CNTNAP2: variants seen among roughly 807,000 people sequenced by gnomAD.
CNTNAP2 encodes contactin associated protein 2, also known as contactin-associated protein-like 2.
CNTNAP2 carries 98 observed loss-of-function variants against 155.2 expected under a neutral mutation model. The ratio of observed to expected loss-of-function variants is 0.63; its 90% CI spans 0.54 to 0.75. The LOEUF is 0.75. Among genes scored for constraint, CNTNAP2 ranks in the 30% least tolerant of loss-of-function variants. The pLI is 0.00. For missense variants in CNTNAP2, 1,727 were observed against 1,688.1 expected (o/e 1.02, Z -0.40); for synonymous variants, 651 against 631.2 (o/e 1.03, Z -0.47).
At chr7:146,906,110 G>A (rs868198780) in intron 3 of CNTNAP2, among the ~76,000 whole-genome samples, 6 of 152,210 alleles carry the variant, frequency 3.9e-5, no homozygotes, top group East Asian at 3.9e-4. Context: ...AAAAAACGGC[G>A]CACCACGGGA....
intron 4 of CNTNAP2, among the ~76,000 whole-genome samples, chr7:147,066,688 T>C (rs1024533533): frequency 3.3e-5 from 5 of 152,308 alleles, no homozygotes; most frequent in African/African-American, 1.2e-4. Flanking sequence ...TAAAAAATGT[T>C]GGCATCAGTA....
chr7:147,919,693 C>T (rs549867790), intron 14 of CNTNAP2, among the ~76,000 whole-genome samples: 3 of 151,334 alleles, frequency 2.0e-5, no homozygotes, highest in Non-Finnish European at 2.9e-5. Context: ...CTCCTGAACT[C>T]GTGATCCGCC....
chr7:147,041,051 T>C (rs1195281051), intron 3 of CNTNAP2, among the ~76,000 whole-genome samples: 1 of 152,242 alleles, frequency 6.6e-6, no homozygotes, highest in Non-Finnish European at 1.5e-5. Context: ...GTTGCTAATC[T>C]TCTTGCTCCC....
chr7:147,054,223 T>C (rs1421388246), intron 4 of CNTNAP2, among the ~76,000 whole-genome samples: 1 of 152,186 alleles, frequency 6.6e-6, no homozygotes, highest in Non-Finnish European at 1.5e-5. Context: ...CGTAAGAATA[T>C]ATAGGAGATA....
At position 147,018,793 on chromosome 7, in the gene CNTNAP2, G is replaced by A. The variant is rs183610806; in HGVS notation, c.403-25114G>A. 1.7e-4 allele frequency among the ~76,000 whole-genome samples: 26 copies of A among 152,076 alleles called. No homozygotes were observed. The East Asian group carries it at 4.4e-3, about 26-fold the overall frequency. ...GCCGCTATGTTCTAAATGTTGATAA[G>A]CCAAAGACAGGATAGTGTGTATGAA... On this transcript the variant is annotated intron_variant, in intron 3 of 23. Transcript: ENST00000361727.
At chr7:148,211,364 G>A (rs575595886) in intron 18 of CNTNAP2, among the ~76,000 whole-genome samples, 7 of 152,220 alleles carry the variant, frequency 4.6e-5, no homozygotes, top group African/African-American at 7.2e-5. Flanking sequence ...ATTTACAGCA[G>A]AAGGTAAAAA....
chr7:146,806,427 C>T (rs1027332062), intron 2 of CNTNAP2, among the ~76,000 whole-genome samples: 1 of 151,544 alleles, frequency 6.6e-6, no homozygotes. Context: ...ACCCAGGAGG[C>T]GGGGGTTGCA....
At chr7:148,217,954 A>G (rs1365282590) in intron 19 of CNTNAP2, among the ~76,000 whole-genome samples, 3 of 152,138 alleles carry the variant, frequency 2.0e-5, no homozygotes, top group Non-Finnish European at 4.4e-5. Flanking sequence ...GCGAAACCCC[A>G]TCTCTACAAA....
At chr7:146,974,318 A>T (rs1797863380) in intron 3 of CNTNAP2, among the ~76,000 whole-genome samples, 1 of 151,806 alleles carries the variant, frequency 6.6e-6, no homozygotes, top group Non-Finnish European at 1.5e-5. Context: ...GGCACCTTTA[A>T]TCTCAGCTAC....
intron 2 of CNTNAP2, among the ~76,000 whole-genome samples, chr7:146,794,251 C>T (rs1014755533): frequency 1.3e-5 from 2 of 152,104 alleles, no homozygotes; most frequent in Non-Finnish European, 2.9e-5. Flanking sequence ...AGTATTATCT[C>T]CTATCATATC....
intron 18 of CNTNAP2, among the ~76,000 whole-genome samples, chr7:148,202,133 T>C (rs1795379153): frequency 6.6e-6 from 1 of 152,068 alleles, no homozygotes; most frequent in Admixed American, 6.6e-5. Flanking sequence ...GTATTTCATA[T>C]GTGGCACGGC....
chr7:146,865,947 T>C (rs996409444), intron 3 of CNTNAP2, among the ~76,000 whole-genome samples: 7 of 152,190 alleles, frequency 4.6e-5, no homozygotes, highest in African/African-American at 1.7e-4. Context: ...TACTATTGTC[T>C]TTGCGTCTGC....
At chr7:146,833,730 C>CT (rs1279232891) in intron 2 of CNTNAP2, among the ~76,000 whole-genome samples, 9 of 152,196 alleles carry the variant, frequency 5.9e-5, no homozygotes, top group African/African-American at 2.2e-4. Flanking sequence ...AGCTGATACA[C>CT]ACAGGGAACT....
intron 3 of CNTNAP2, among the ~76,000 whole-genome samples, chr7:146,843,818 A>G (rs1803791252): frequency 6.6e-6 from 1 of 152,102 alleles, no homozygotes; most frequent in African/African-American, 2.4e-5. Flanking sequence ...GCTTAACATT[A>G]TGTATACTGG....
At chr7:147,142,087 C>A (rs866112838) in intron 8 of CNTNAP2, among the ~76,000 whole-genome samples, 1 of 152,122 alleles carries the variant, frequency 6.6e-6, no homozygotes, top group Non-Finnish European at 1.5e-5. Context: ...CCTGATTGCC[C>A]TGGCCAGAAC....
intron 10 of CNTNAP2, among the ~76,000 whole-genome samples, chr7:147,465,527 T>C (rs112278034): frequency 6.6e-6 from 1 of 152,148 alleles, no homozygotes; most frequent in Admixed American, 6.5e-5. Context: ...TTTGACTTCA[T>C]ATCTTGGCTA....
intron 13 of CNTNAP2, among the ~76,000 whole-genome samples, chr7:147,668,264 C>T (rs1472557858): frequency 6.6e-6 from 1 of 152,154 alleles, no homozygotes; most frequent in Non-Finnish European, 1.5e-5. Flanking sequence ...AACGTGGACC[C>T]CAAAACTGAA....
chr7:147,638,745 A>G (rs1795223834), intron 12 of CNTNAP2: 2 of 408,938 alleles, frequency 4.9e-6, no homozygotes. Context: ...CTGTTCCACC[A>G]GAGGAATGAT....
intron 1 of CNTNAP2, among the ~76,000 whole-genome samples, chr7:146,246,632 C>T (rs532753900): frequency 5.3e-5 from 8 of 149,618 alleles, no homozygotes; most frequent in East Asian, 1.9e-4. Flanking sequence ...CGAGGCGATC[C>T]GACAGCATCA....
Sources: allele counts gnomAD v4.1 joint callset (sites outside exome capture counted in the v4.1 genomes callset), GRCh38; gene constraint gnomAD v4.1.1; transcripts MANE v1.5; gene names NCBI Gene and HGNC (gene_info 2026-07-23, HGNC 2026-07-21).